The following OTOS variants were observed in gnomAD, a reference collection of about 807,000 sequenced individuals.
OTOS encodes the protein otospiralin.
In OTOS, 14 loss-of-function variants were observed where a neutral mutation model predicts 12.5. That is an observed-to-expected ratio of 1.12 (90% CI 0.74 to 1.76). The LOEUF (loss-of-function observed/expected upper bound fraction) is 1.76, where lower values mean the gene tolerates loss of function less well. OTOS is among the 40% of genes most tolerant of loss of function. The pLI is 0.00. For missense variants in OTOS, 141 were observed against 112.8 expected (o/e 1.25, Z -1.13); for synonymous variants, 49 against 47.6 (o/e 1.03, Z -0.12).
Position 240,140,462 on chromosome 2 carries a change from G to T in OTOS, c.-118-18C>A. On this transcript the variant is annotated intron_variant, in intron 1 of 3. Coordinates refer to ENST00000319460, the MANE Select transcript of OTOS (RefSeq NM_148961.4). ...GGGCAGCCCTGGGGAAAATGGCATG[G>T]ATTTAAAAAAAAAATTCTTACTGTT... 2.4e-6 allele frequency: 2 copies of T among 840,558 alleles called. No individual in the cohort carries two copies. Among genetic ancestry groups the T allele is most frequent in the Non-Finnish European group, 3.5e-6 (2 of 571,528 alleles). 52.1% of individuals were successfully genotyped at this position (840,558 alleles called of 1,614,324 possible).
At chr2:240,140,535 G>A (rs1473497778) in intron 1 of OTOS, 85 bp downstream of exon 1, 4 of 580,128 alleles carry the variant, frequency 6.9e-6, no homozygotes, top group African/African-American at 1.9e-5. Context: ...ATTTGGAGGT[G>A]AAATCCCTGC....
In OTOS at chr2:240,139,341, C is replaced by T. The variant is rs756175357; in HGVS notation, c.99G>A (p.Glu33=). 1.2e-6 allele frequency: 2 copies of T among 1,613,468 alleles called. No individual in the cohort carries two copies. ...PVQEEGDPYA[E]LPAMPYWPFS... is the part of the protein sequence containing the mutation. ...AAGGCCAGTAGGGCATGGCCGGCAG[C>T]TCCGCGTAAGGGTCTGAAAGACACA... The change falls in exon 4 of 4, where the codon GAG becomes GAA. Residue 33 remains glutamate, a synonymous_variant. Coordinates refer to ENST00000319460, the MANE Select transcript of OTOS (RefSeq NM_148961.4).
chr2:240,139,479 G>T lies in OTOS; in HGVS notation c.86-125C>A. 3.1e-6 allele frequency: 3 copies of T among 979,858 alleles called. No individual in the cohort carries two copies. The Admixed American group carries it at 8.2e-5, about 27-fold the overall frequency. The allele number at this position is 979,858 out of a possible 1,614,324, so 60.7% of individuals were successfully genotyped here. A position where few individuals can be genotyped will look rare whatever the true frequency, so the allele number is the denominator to read the frequency against. On this transcript the variant is annotated intron_variant, in intron 3 of 3. Coordinates refer to ENST00000319460, the MANE Select transcript of OTOS (RefSeq NM_148961.4). ...TACCTACAGTGATACAACCTTCCCA[G>T]AGTGGGGGCCTGAGCCCATCCCCTC...
chr2:240,139,367 A>T lies in OTOS; in HGVS notation c.86-13T>A, dbSNP rs2279690. 0.22 allele frequency: 354,964 copies of T among 1,604,288 alleles called. 44,525 individuals are homozygous for T. The highest frequency in any genetic ancestry group is 0.57 in the East Asian group (25,260 of 44,678). ...TCCGCGTAAGGGTCTGAAAGACACAAGACACCTGCCTTGGGGGCTGTCCCC... is the reference window on the plus strand; with the variant it reads ...TCCGCGTAAGGGTCTGAAAGACACATGACACCTGCCTTGGGGGCTGTCCCC... On this transcript the variant is annotated splice_polypyrimidine_tract_variant and intron_variant, in intron 3 of 3. Transcript: ENST00000319460.
rs749211239 is a variant in OTOS at position 240,139,273 on chromosome 2, G to A, written c.167C>T (p.Ala56Val). Residue 56 changes from alanine (A) to valine (V), a missense_variant, in exon 4 of 4, where the codon GCC (alanine) becomes GTC (valine). Transcript: ENST00000319460. ...DFWNYVQHFQ[A>V]LGAYPQIEDM... The stretch of plus-strand genomic sequence containing the variant: ...CTCGATCTGGGGGTAGGCCCCCAGG[G>A]CCTGGAAGTGCTGCACATAGTTCCA... 8 of 1,614,074 alleles carry A rather than the reference G, an allele frequency of 5.0e-6. No individual in the cohort carries two copies. The East Asian group carries it at 6.7e-5, about 13-fold the overall frequency.
intron 2 of OTOS, 80 bp downstream of exon 2, chr2:240,140,189 G>C: frequency 6.3e-7 from 1 of 1,592,578 alleles, no homozygotes; most frequent in South Asian, 1.1e-5. Context: ...CTAGCAGCCT[G>C]GGGATGCATG....
rs767498302 is a variant in OTOS, at chr2:240,140,350, G to A, written c.-24C>T. 1.7e-5 allele frequency: 26 copies of A among 1,558,664 alleles called. No homozygotes were observed. The highest frequency in any genetic ancestry group is 2.7e-5 in the African/African-American group (2 of 73,804). Reference sequence around the variant, plus strand: ...ATCTTCCCGGTGCTTCCTGATCTGCGACTCAGGCCCACCTGCAGCAGGATG... The same window carrying A: ...ATCTTCCCGGTGCTTCCTGATCTGCAACTCAGGCCCACCTGCAGCAGGATG... On this transcript the variant is annotated 5_prime_UTR_variant, in exon 2 of 4. Transcript: ENST00000319460.
intron 3 of OTOS, among the ~76,000 whole-genome samples, chr2:240,139,679 G>A (rs143487763): frequency 2.8e-4 from 42 of 152,262 alleles, no homozygotes; most frequent in African/African-American, 6.0e-4. Flanking sequence ...GCTACCCCCC[G>A]TATAACCTGT....
Position 240,139,084 on chromosome 2 carries a change from G to C in OTOS, c.*86C>G. 7.0e-7 allele frequency: 1 copy of C among 1,433,850 alleles called. No homozygotes were observed. Among genetic ancestry groups the C allele is most frequent in the Non-Finnish European group, 9.5e-7 (1 of 1,050,982 alleles). The allele number at this position is 1,433,850 out of a possible 1,614,324, so 88.8% of individuals were successfully genotyped here. A position where few individuals can be genotyped will look rare whatever the true frequency, so the allele number is the denominator to read the frequency against. On this transcript the variant is annotated 3_prime_UTR_variant, in exon 4 of 4. Transcript: ENST00000319460. ...GAGACCAGGCCTGACTCCTGCAGGG[G>C]CCAGGTTTTTGCGGGGACTCCATGC...
At chr2:240,139,669 G>A (rs1306745657) in intron 3 of OTOS, among the ~76,000 whole-genome samples, 3 of 152,144 alleles carry the variant, frequency 2.0e-5, no homozygotes, top group Admixed American at 6.5e-5. Context: ...ACCCCACTCC[G>A]CTACCCCCCG....
chr2:240,140,125 C>T (rs1219075119), intron 2 of OTOS, 37 bp from the exon 3 acceptor site: 2 of 1,611,534 alleles, frequency 1.2e-6, no homozygotes, highest in Admixed American at 1.7e-5. Context: ...CCAGGAGGAC[C>T]ACCCAGGTGC....
rs745461913 is a variant in OTOS at position 240,140,287 on chromosome 2, G to A, written c.40C>T (p.Leu14=). 3.0e-5 allele frequency: 48 copies of A among 1,596,226 alleles called. No homozygotes were observed. Among genetic ancestry groups the A allele is most frequent in the Non-Finnish European group, 3.7e-5 (43 of 1,171,406 alleles). ...CCCTCACCTGCAAGAGGCCCCAGTA[G>A]GAGGCAGAGGGCCAGCCCCGGCACC... ...CMVPGLALCL[L]LGPLAGAKPV... is the part of the protein sequence containing the mutation. The change falls in exon 2 of 4, where the codon CTA becomes TTA. Residue 14 remains leucine, a synonymous_variant. Transcript: ENST00000319460.
In OTOS at chr2:240,140,404, G is replaced by A. The variant is rs1015668239; in HGVS notation, c.-78C>T. On this transcript the variant is annotated 5_prime_UTR_variant, in exon 2 of 4. In the 5' UTR this introduces an upstream ATG that the reference lacks. Transcript: ENST00000319460. ...CCAGGAAGGGCGAGACCACCCATCC[G>A]TCAGGGCCGGCTTCCTCTACCAGTC... 34 of 1,441,054 alleles carry A rather than the reference G, an allele frequency of 2.4e-5. No homozygotes were observed. Among genetic ancestry groups the A allele is most frequent in the Middle Eastern group, 1.8e-4 (1 of 5,620 alleles). 89.3% of individuals were successfully genotyped at this position (1,441,054 alleles called of 1,614,324 possible).
Position 240,139,191 on chromosome 2 carries a change from G to T in OTOS, c.249C>A (p.His83Gln). 2 of 1,613,774 alleles carry T rather than the reference G, an allele frequency of 1.2e-6. No homozygotes were observed. The highest frequency in any genetic ancestry group is 1.7e-6 in the Non-Finnish European group (2 of 1,179,900). The change falls in exon 4 of 4, where the codon CAC becomes CAA. Residue 83 changes from histidine (H) to glutamine (Q), a missense_variant. Transcript: ENST00000319460. ...CCATTCAGTCCTCCTGATAGGGAAC[G>T]TGGAAGCCCAGCGTGCTCCCCAGGG... ...HFPLGSTLGF[H>Q]VPYQED
chr2:240,140,188 T>C, intron 2 of OTOS, 81 bp downstream of exon 2: 1 of 1,592,020 alleles, frequency 6.3e-7, no homozygotes, highest in Non-Finnish European at 8.6e-7. Flanking sequence ...CCTAGCAGCC[T>C]GGGGATGCAT....
rs765616900 is a variant in OTOS, at chr2:240,140,259, G to C, written c.58+10C>G. 16 of 1,590,696 alleles carry C rather than the reference G, an allele frequency of 1.0e-5. No individual in the cohort carries two copies. The highest frequency in any genetic ancestry group is 1.4e-5 in the Non-Finnish European group (16 of 1,168,436). The stretch of plus-strand genomic sequence containing the variant: ...CCTGGTGGCTGCCTCCCTCCAGAGC[G>C]GCCCCTCACCTGCAAGAGGCCCCAG... On this transcript the variant is annotated intron_variant, in intron 2 of 3. Transcript: ENST00000319460.
intron 3 of OTOS, among the ~76,000 whole-genome samples, 186 bp from the exon 4 acceptor site, chr2:240,139,540 GGAA>G (rs10526200): frequency 0.17 from 26,202 of 151,312 alleles, 2,324 homozygotes; most frequent in Non-Finnish European, 0.2. Flanking sequence ...GGGAGACAGA[GGAA>G]GAAGAAGAAG....
At position 240,140,085 on chromosome 2, in the gene OTOS, G is replaced by A. The variant is rs1369745510; in HGVS notation, c.62C>T (p.Ala21Val). ...ACCTCCTTCCTCCTGCACAGGCTTG[G>A]CCCCTGCAAAGGAAGAGAAGAGCTG... ...LCLLLGPLAG[A>V]KPVQEEGDPY... Residue 21 changes from alanine (A) to valine (V), a missense_variant, in exon 3 of 4, where the codon GCC becomes GTC. Transcript: ENST00000319460. 6.2e-7 allele frequency: 1 copy of A among 1,613,428 alleles called. No individual in the cohort carries two copies. Among genetic ancestry groups the A allele is most frequent in the South Asian group, 1.1e-5 (1 of 90,964 alleles).
At position 240,139,208 on chromosome 2, in the gene OTOS, T is replaced by C; in HGVS notation, c.232A>G (p.Ser78Gly). Residue 78 changes from serine (S) to glycine (G), a missense_variant, in exon 4 of 4, where the codon AGC (serine) becomes GGC (glycine). Ser to Gly is a moderately conservative substitution (Grantham distance 56, BLOSUM62 0). Transcript: ENST00000319460. ...RTFFAHFPLG[S>G]TLGFHVPYQE... ...TAGGGAACGTGGAAGCCCAGCGTGC[T>C]CCCCAGGGGGAAGTGGGCAAAGAAG... is the stretch of plus-strand genomic sequence containing the variant. 1 of 1,613,914 alleles carries C rather than the reference T, an allele frequency of 6.2e-7. No homozygotes were observed. The highest frequency in any genetic ancestry group is 8.5e-7 in the Non-Finnish European group (1 of 1,179,958).
Sources: allele counts gnomAD v4.1 joint callset (sites outside exome capture counted in the v4.1 genomes callset), GRCh38; gene constraint gnomAD v4.1.1; transcripts MANE v1.5; gene names NCBI Gene and HGNC (gene_info 2026-07-23, HGNC 2026-07-21).